Variants in SPAG16 observed in about 807,000 individuals in gnomAD.
SPAG16 encodes the protein sperm-associated antigen 16 protein.
SPAG16 carries 86 observed loss-of-function variants against 80.4 expected under a neutral mutation model. The observed-to-expected ratio is 1.07, with a 90% CI of 0.90 to 1.28. The LOEUF (loss-of-function observed/expected upper bound fraction) is 1.28. Ranked by LOEUF, SPAG16 falls within the 50% of genes most tolerant of loss-of-function variation. The probability of loss-of-function intolerance (pLI) is 0.00; values close to 1 mark genes in which losing one functional copy is unlikely to be tolerated. For synonymous variants in SPAG16, 294 were observed against 265.9 expected (o/e 1.11, Z -1.03); for missense variants, 870 against 765.3 (o/e 1.14, Z -1.61).
intron 14 of SPAG16, 117 bp downstream of exon 14, chr2:214,108,378 G>T: frequency 1.5e-6 from 1 of 648,210 alleles, no homozygotes. Context: ...AACAACTTTA[G>T]GAATTAGTTG....
intron 15 of SPAG16, among the ~76,000 whole-genome samples, chr2:214,196,586 C>T (rs1238605997): frequency 6.6e-6 from 1 of 151,936 alleles, no homozygotes; most frequent in African/African-American, 2.4e-5. Flanking sequence ...AAGAAAAATG[C>T]AGAAGGTGCT....
At chr2:214,233,499 A>G (rs191437212) in intron 15 of SPAG16, among the ~76,000 whole-genome samples, 51 of 152,188 alleles carry the variant, frequency 3.4e-4, no homozygotes, top group African/African-American at 1.2e-3. Flanking sequence ...GTACAGTTGG[A>G]CTGCCATAGA....
intron 15 of SPAG16, among the ~76,000 whole-genome samples, chr2:214,339,238 G>A (rs1375908373): frequency 1.3e-5 from 2 of 152,020 alleles, no homozygotes; most frequent in Non-Finnish European, 2.9e-5. Flanking sequence ...ATATAAAGAA[G>A]GAAAACTACT....
chr2:214,014,867 T>C (rs2047505778), intron 13 of SPAG16, among the ~76,000 whole-genome samples: 1 of 152,126 alleles, frequency 6.6e-6, no homozygotes, highest in East Asian at 1.9e-4. Context: ...GAAAATAAAT[T>C]CCTCATAAGG....
At chr2:213,627,709 T>A (rs960918856) in intron 10 of SPAG16, among the ~76,000 whole-genome samples, 2 of 152,162 alleles carry the variant, frequency 1.3e-5, no homozygotes, top group Admixed American at 1.3e-4. Context: ...AATTGACAAA[T>A]AAATGAATGA....
At chr2:213,747,840 T>G (rs1340884078) in intron 10 of SPAG16, among the ~76,000 whole-genome samples, 1 of 152,198 alleles carries the variant, frequency 6.6e-6, no homozygotes, top group Non-Finnish European at 1.5e-5. Context: ...GAAAGATCAT[T>G]TATTTGTCTG....
intron 10 of SPAG16, among the ~76,000 whole-genome samples, chr2:213,836,603 CTTTTTTATTTTTTAT>C (rs1166980840): frequency 6.6e-6 from 1 of 151,742 alleles, no homozygotes; most frequent in Non-Finnish European, 1.5e-5. Flanking sequence ...AATCTTAATA[CTTTTTTATTTTTTAT>C]TTTTTTATTT....
intron 10 of SPAG16, among the ~76,000 whole-genome samples, chr2:213,703,914 T>G (rs956609121): frequency 1.6e-4 from 24 of 152,204 alleles, no homozygotes; most frequent in Admixed American, 7.8e-4. Flanking sequence ...AGATATTACC[T>G]TCCAAGATAT....
intron 5 of SPAG16, among the ~76,000 whole-genome samples, chr2:213,330,238 T>C (rs1273634823): frequency 6.6e-6 from 1 of 151,194 alleles, no homozygotes; most frequent in African/African-American, 2.4e-5. Context: ...GAATGATGGA[T>C]CCACCGACAG....
chr2:213,759,096 G>A (rs190553801), intron 10 of SPAG16, among the ~76,000 whole-genome samples: 51 of 152,220 alleles, frequency 3.4e-4, no homozygotes, highest in Admixed American at 1.8e-3. Flanking sequence ...AAGTGAGGGC[G>A]AAATTAAGAC....
At chr2:213,910,305 C>T (rs2077608877) in intron 11 of SPAG16, among the ~76,000 whole-genome samples, 1 of 152,118 alleles carries the variant, frequency 6.6e-6, no homozygotes, top group Non-Finnish European at 1.5e-5. Flanking sequence ...AACTTATATT[C>T]TGACTTCTCT....
chr2:213,430,309 A>T (rs1374689232), intron 9 of SPAG16, among the ~76,000 whole-genome samples: 1 of 152,218 alleles, frequency 6.6e-6, no homozygotes, highest in Admixed American at 6.5e-5. Flanking sequence ...AAAAAGAAGA[A>T]AAAGAAATGA....
intron 9 of SPAG16, among the ~76,000 whole-genome samples, chr2:213,400,547 G>A (rs898890839): frequency 6.6e-6 from 1 of 152,068 alleles, no homozygotes; most frequent in African/African-American, 2.4e-5. Flanking sequence ...AATTTCTTGG[G>A]AGTTGCTATG....
chr2:213,713,315 T>G (rs896585857), intron 10 of SPAG16, among the ~76,000 whole-genome samples: 2 of 152,194 alleles, frequency 1.3e-5, no homozygotes, highest in African/African-American at 4.8e-5. Context: ...AAATCGGATA[T>G]GGTTGCCACA....
At chr2:213,834,069 T>C (rs1175908127) in intron 10 of SPAG16, among the ~76,000 whole-genome samples, 1 of 152,118 alleles carries the variant, frequency 6.6e-6, no homozygotes, top group African/African-American at 2.4e-5. Flanking sequence ...TGAGCTCTGA[T>C]GGGTCTATCA....
rs559570196 is a variant in SPAG16, at chr2:213,645,448, G to A, written c.1070+155358G>A. 1.2e-4 allele frequency among the ~76,000 whole-genome samples: 18 copies of A among 152,220 alleles called. No individual in the cohort carries two copies. In the South Asian group the frequency reaches 3.3e-3, roughly 28 times the overall value. On this transcript the variant is annotated intron_variant, in intron 10 of 15. Coordinates refer to ENST00000331683, the MANE Select transcript of SPAG16 (RefSeq NM_024532.5). ...CGCTGCTGGTTATTCAGGGACTAAG[G>A]AATCTTAGTTAGCAGGTGATGAATG...
intron 10 of SPAG16, among the ~76,000 whole-genome samples, chr2:213,553,207 A>G (rs1220173501): frequency 6.6e-6 from 1 of 152,188 alleles, no homozygotes; most frequent in Non-Finnish European, 1.5e-5. Context: ...ATCTGTCCAT[A>G]CACAAAAAAT....
At chr2:213,658,554 G>T (rs749128943) in intron 10 of SPAG16, among the ~76,000 whole-genome samples, 1 of 152,160 alleles carries the variant, frequency 6.6e-6, no homozygotes, top group South Asian at 2.1e-4. Flanking sequence ...TGTCACTCAT[G>T]CTCTGTTCAT....
chr2:214,110,928 C>CT (rs2053631304), intron 14 of SPAG16, among the ~76,000 whole-genome samples: 1 of 151,898 alleles, frequency 6.6e-6, no homozygotes, highest in East Asian at 1.9e-4. Flanking sequence ...GCATAAGTAT[C>CT]TTCTTTTGAG....
Sources: allele counts gnomAD v4.1 joint callset (sites outside exome capture counted in the v4.1 genomes callset), GRCh38; gene constraint gnomAD v4.1.1; transcripts MANE v1.5; gene names NCBI Gene and HGNC (gene_info 2026-07-23, HGNC 2026-07-21).